Variants in CEP57 observed in about 807,000 individuals in gnomAD.
The protein encoded by CEP57 is centrosomal protein 57.
In CEP57, 40 loss-of-function variants were observed where a neutral mutation model predicts 68.0. The observed-to-expected ratio is 0.59, with a 90% confidence interval of 0.46 to 0.77. CEP57 has a LOEUF of 0.77. CEP57 is among the 30% of genes least tolerant of loss of function. The pLI is 0.00. For synonymous variants in CEP57, 219 were observed against 198.7 expected (o/e 1.10, Z -0.86); for missense variants, 606 against 580.7 (o/e 1.04, Z -0.45).
At chr11:95,798,201 G>C (rs1861428605) in intron 1 of CEP57, among the ~76,000 whole-genome samples, 1 of 152,138 alleles carries the variant, frequency 6.6e-6, no homozygotes, top group African/African-American at 2.4e-5. Context: ...CATAGCCATA[G>C]TGTGTTTTAT....
intron 2 of CEP57, among the ~76,000 whole-genome samples, chr11:95,809,939 C>G (rs939475990): frequency 7.0e-4 from 106 of 152,194 alleles, no homozygotes; most frequent in African/African-American, 2.5e-3. Context: ...ATCATTGATG[C>G]AAAAATCCTC....
At chr11:95,809,353 A>G (rs986204813) in intron 2 of CEP57, among the ~76,000 whole-genome samples, 1 of 152,230 alleles carries the variant, frequency 6.6e-6, no homozygotes, top group African/African-American at 2.4e-5. Context: ...AACTAAGATC[A>G]GAGCAGAACT....
intron 1 of CEP57, among the ~76,000 whole-genome samples, chr11:95,794,062 A>G (rs1293392081): frequency 6.6e-6 from 1 of 152,208 alleles, no homozygotes; most frequent in Non-Finnish European, 1.5e-5. Context: ...AGATAAGAGA[A>G]TCCAGCATTC....
intron 10 of CEP57, 91 bp from the exon 11 acceptor site, chr11:95,830,935 A>C (rs2135383319): frequency 1.0e-6 from 1 of 960,722 alleles, no homozygotes; most frequent in East Asian, 2.5e-5. Context: ...AGAGTTAACC[A>C]AAAAAAGGTA....
chr11:95,810,815 A>G (rs986737878), intron 2 of CEP57, among the ~76,000 whole-genome samples: 36 of 152,204 alleles, frequency 2.4e-4, no homozygotes, highest in Non-Finnish European at 5.1e-4. Context: ...TCAAGCTACC[A>G]CTGACTTTCG....
At chr11:95,800,397 T>C (rs1268634489) in intron 2 of CEP57, among the ~76,000 whole-genome samples, 4 of 151,528 alleles carry the variant, frequency 2.6e-5, no homozygotes, top group African/African-American at 9.8e-5. Flanking sequence ...TTTTTTTTTA[T>C]TTTTTATTGT....
At chr11:95,813,159 A>T (rs370408857) in intron 3 of CEP57, 48 bp downstream of exon 3, 159 of 1,547,384 alleles carry the variant, frequency 1.0e-4, no homozygotes, top group Non-Finnish European at 1.3e-4. Flanking sequence ...AGTGTTGTGC[A>T]GTATTAAGTA....
At chr11:95,799,924 C>A (rs1263721636) in intron 2 of CEP57, among the ~76,000 whole-genome samples, 1 of 152,176 alleles carries the variant, frequency 6.6e-6, no homozygotes, top group Non-Finnish European at 1.5e-5. Flanking sequence ...ACCCTATATG[C>A]CTCACCAGCT....
chr11:95,796,796 G>C (rs1369420082), intron 1 of CEP57, among the ~76,000 whole-genome samples: 1 of 152,132 alleles, frequency 6.6e-6, no homozygotes, highest in African/African-American at 2.4e-5. Flanking sequence ...CTGCTCAGCT[G>C]ACTACAAATT....
chr11:95,799,208 G>T (rs763738844), intron 1 of CEP57, 24 bp from the exon 2 acceptor site: 1 of 1,613,348 alleles, frequency 6.2e-7, no homozygotes, highest in Non-Finnish European at 8.5e-7. Flanking sequence ...CTTTTGAAAG[G>T]TAATTTGTGT....
intron 2 of CEP57, among the ~76,000 whole-genome samples, chr11:95,811,037 A>C (rs1162159936): frequency 6.6e-6 from 1 of 152,240 alleles, no homozygotes; most frequent in Non-Finnish European, 1.5e-5. Flanking sequence ...CGATTCCTCA[A>C]GTATCTAGAA....
At chr11:95,817,559 A>G (rs973385430) in intron 4 of CEP57, among the ~76,000 whole-genome samples, 5 of 152,302 alleles carry the variant, frequency 3.3e-5, no homozygotes, top group Non-Finnish European at 5.9e-5. Context: ...TAATGTCACT[A>G]TATAAAACTA....
chr11:95,829,170 T>A lies in CEP57; in HGVS notation c.1128-17T>A. 1 of 1,613,364 alleles carries A rather than the reference T, an allele frequency of 6.2e-7. No individual in the cohort carries two copies. The highest frequency in any genetic ancestry group is 8.5e-7 in the Non-Finnish European group (1 of 1,179,858). On this transcript the variant is annotated splice_polypyrimidine_tract_variant and intron_variant, in intron 9 of 10. Transcript: ENST00000325542. ...CACAGAAAACTTAACCATGTTCTAC[T>A]TCTGCTTTGTATATAGTGATCACCA...
At chr11:95,799,845 C>G (rs1330150970) in intron 2 of CEP57, among the ~76,000 whole-genome samples, 1 of 152,172 alleles carries the variant, frequency 6.6e-6, no homozygotes, top group African/African-American at 2.4e-5. Context: ...CATCATCTCT[C>G]CCACAAAATT....
chr11:95,795,542 A>G (rs930035344), intron 1 of CEP57: 22 of 540,118 alleles, frequency 4.1e-5, no homozygotes, highest in African/African-American at 2.0e-4. Flanking sequence ...ATGAAGTACA[A>G]TGTTGACCAG....
At chr11:95,821,582 C>G (rs1862519219) in intron 6 of CEP57, among the ~76,000 whole-genome samples, 1 of 152,108 alleles carries the variant, frequency 6.6e-6, no homozygotes, top group Non-Finnish European at 1.5e-5. Flanking sequence ...TTGCATTTAA[C>G]TCGTTAGATA....
chr11:95,809,785 G>A (rs1159266146), intron 2 of CEP57, among the ~76,000 whole-genome samples: 1 of 152,130 alleles, frequency 6.6e-6, no homozygotes, highest in Admixed American at 6.5e-5. Flanking sequence ...AGAGGAGCTG[G>A]TACCATTCCT....
rs563708574 is a variant in CEP57 at position 95,790,709 on chromosome 11, C to T, written c.11C>T (p.Ala4Val). ...TGGGCAGGCTGAAAGATGGCGGCGG[C>T]GTCTGTCTCTGCGGCTTCTGGTTCT... MAA[A>V]SVSAASGSHL... is the part of the protein sequence containing the mutation. Residue 4 changes from alanine to valine, a missense_variant, in exon 1 of 11, where the codon GCG becomes GTG. Transcript: ENST00000325542. 2 of 1,614,068 alleles carry T rather than the reference C, an allele frequency of 1.2e-6. No individual in the cohort carries two copies. The highest frequency in any genetic ancestry group is 1.7e-5 in the Admixed American group (1 of 60,016).
chr11:95,815,469 CGTTT>C (rs1253100709), intron 4 of CEP57, among the ~76,000 whole-genome samples: 1 of 151,848 alleles, frequency 6.6e-6, no homozygotes, highest in African/African-American at 2.4e-5. Context: ...TGTTAATCCT[CGTTT>C]GTTTGGCTTT....
Sources: gnomAD v4.1 joint callset for allele counts (sites outside exome capture counted in the v4.1 genomes callset) on GRCh38, gnomAD v4.1.1 for gene constraint, MANE v1.5 for transcripts, NCBI Gene and HGNC (gene_info 2026-07-23, HGNC 2026-07-21) for gene names.